Variants in SETDB2 observed in about 807,000 individuals in gnomAD.
SETDB2 encodes histone-lysine N-methyltransferase SETDB2.
Under a neutral mutation model 82.5 loss-of-function variants are expected in SETDB2, and 56 were observed. The observed-to-expected ratio is 0.68, with a 90% CI of 0.55 to 0.85. SETDB2 has a LOEUF of 0.85. Among genes scored for constraint, SETDB2 ranks in the 40% least tolerant of loss-of-function variants. The pLI, the probability that SETDB2 is intolerant of heterozygous loss-of-function variation, is 0.00. For missense variants in SETDB2, 677 were observed against 816.4 expected (o/e 0.83, Z 2.08); for synonymous variants, 272 against 284.9 (o/e 0.95, Z 0.46).
intron 2 of SETDB2, among the ~76,000 whole-genome samples, chr13:49,458,812 C>CA (rs1566157907): frequency 6.6e-6 from 1 of 152,214 alleles, no homozygotes; most frequent in East Asian, 1.9e-4. Flanking sequence ...TTGCCTGAGG[C>CA]AAAAAAGTGG....
intron 6 of SETDB2, among the ~76,000 whole-genome samples, chr13:49,477,714 T>C (rs749593669): frequency 6.6e-6 from 1 of 152,204 alleles, no homozygotes; most frequent in Non-Finnish European, 1.5e-5. Context: ...ATCTCAGTGT[T>C]ATACATGAGG....
rs1958642137 is a variant in SETDB2 at position 49,488,663 on chromosome 13, A to G, written c.1917+33A>G. The G allele has an allele frequency of 2.0e-6, 3 of 1,504,306 alleles. No individual in the cohort carries two copies. In the East Asian group the frequency reaches 6.8e-5, roughly 34 times the overall value. 93.2% of individuals were successfully genotyped at this position (1,504,306 alleles called of 1,614,324 possible). On this transcript the variant is annotated intron_variant, in intron 12 of 13. Transcript: ENST00000611815. ...TAAGGGCTGAGATTCCTATTTCTGA[A>G]CAACTGTTTTTTTCTATGCTACTTA... is the stretch of plus-strand genomic sequence containing the variant.
At position 49,480,107 on chromosome 13, in the gene SETDB2, A is replaced by G. The variant is rs943487669; in HGVS notation, c.870-112A>G. ...GCTGATAGTGTTCATGAGCCAAACT[A>G]TTCTAAATGCTATTACATCTTTTAT... On this transcript the variant is annotated intron_variant, in intron 6 of 13. Transcript: ENST00000611815. 58 of 708,650 alleles carry G rather than the reference A, an allele frequency of 8.2e-5. 1 individual carries two copies. In the East Asian group the frequency reaches 1.5e-3, roughly 18 times the overall value. The allele number at this position is 708,650 out of a possible 1,614,324, so 43.9% of individuals were successfully genotyped here. A position where few individuals can be genotyped will look rare whatever the true frequency, so the allele number is the denominator to read the frequency against.
At chr13:49,460,287 A>G in intron 3 of SETDB2, 55 bp downstream of exon 3, 1 of 1,534,124 alleles carries the variant, frequency 6.5e-7, no homozygotes. Context: ...TCTCTCTGAC[A>G]GTACAGTATC....
intron 4 of SETDB2, chr13:49,464,147 A>G: frequency 1.4e-6 from 1 of 733,278 alleles, no homozygotes; most frequent in Non-Finnish European, 2.5e-6. Context: ...TCAAAGATAA[A>G]TGGGTCCTAT....
chr13:49,468,873 A>T (rs756377181), intron 5 of SETDB2, among the ~76,000 whole-genome samples: 1 of 150,754 alleles, frequency 6.6e-6, no homozygotes, highest in African/African-American at 2.4e-5. Flanking sequence ...CTCACAAAAC[A>T]TTTTTTTTTC....
At chr13:49,481,397 A>G (rs1378007836) in intron 8 of SETDB2, among the ~76,000 whole-genome samples, 1 of 152,204 alleles carries the variant, frequency 6.6e-6, no homozygotes, top group South Asian at 2.1e-4. Flanking sequence ...CTGCATGGCT[A>G]CAGGTACTTT....
rs571970304 is a variant in SETDB2, at chr13:49,459,706, G to T, written c.17-401G>T. ...ACTTTTTTAAAAAGCAGTATTGTTG[G>T]ACATTTAGTTATTTCAGCAGCCATT... On this transcript the variant is annotated intron_variant, in intron 2 of 13. Transcript: ENST00000611815. Among the ~76,000 whole-genome samples, 5 of 152,098 alleles carry T rather than the reference G, an allele frequency of 3.3e-5. No homozygotes were observed. In the South Asian group the frequency reaches 1.0e-3, roughly 32 times the overall value.
intron 5 of SETDB2, among the ~76,000 whole-genome samples, chr13:49,472,577 A>AT (rs1009196025): frequency 2.4e-4 from 35 of 148,038 alleles, no homozygotes; most frequent in African/African-American, 4.5e-4. Flanking sequence ...TTTTATTTCT[A>AT]TTTTTTTTTT....
chr13:49,450,830 C>T (rs1410552175), intron 1 of SETDB2, among the ~76,000 whole-genome samples: 1 of 151,618 alleles, frequency 6.6e-6, no homozygotes, highest in Non-Finnish European at 1.5e-5. Flanking sequence ...GATATGTTAT[C>T]CTAGGGAAAT....
At chr13:49,472,051 A>C (rs1320872619) in intron 5 of SETDB2, among the ~76,000 whole-genome samples, 1 of 151,190 alleles carries the variant, frequency 6.6e-6, no homozygotes, top group Admixed American at 6.6e-5. Context: ...GATTACAGGC[A>C]TGAGCCACCG....
intron 4 of SETDB2, among the ~76,000 whole-genome samples, chr13:49,466,398 C>A (rs1400597548): frequency 1.3e-5 from 2 of 150,044 alleles, no homozygotes; most frequent in East Asian, 3.9e-4. Flanking sequence ...ATCACATCAA[C>A]GTACTCCAGC....
intron 5 of SETDB2, among the ~76,000 whole-genome samples, chr13:49,472,131 A>C (rs1444215511): frequency 6.6e-6 from 1 of 151,876 alleles, no homozygotes; most frequent in Non-Finnish European, 1.5e-5. Context: ...CCCAGTATGT[A>C]TACAAGACCC....
chr13:49,469,070 A>G (rs1958177047), intron 5 of SETDB2, among the ~76,000 whole-genome samples: 1 of 152,136 alleles, frequency 6.6e-6, no homozygotes, highest in African/African-American at 2.4e-5. Flanking sequence ...ATTCCTGTGA[A>G]GTATCATTTT....
chr13:49,470,966 C>CTTTCTTTCTTTTTTTTTTTTT (rs10695231), intron 5 of SETDB2, among the ~76,000 whole-genome samples: 4 of 80,486 alleles, frequency 5.0e-5, no homozygotes, highest in Non-Finnish European at 6.4e-5. Flanking sequence ...TTCTTTCTTT[C>CTTTCTTTCTTTTTTTTTTTTT]TTTTTTTTTT....
chr13:49,461,826 T>TG (rs897743421), intron 4 of SETDB2, among the ~76,000 whole-genome samples: 1 of 152,206 alleles, frequency 6.6e-6, no homozygotes, highest in African/African-American at 2.4e-5. Flanking sequence ...TCACAATGCC[T>TG]GGGCCTCCTG....
rs1236498026 is a variant in SETDB2 at position 49,494,136 on chromosome 13, A to C, written c.*2287A>C. On this transcript the variant is annotated 3_prime_UTR_variant, in exon 14 of 14. Coordinates refer to ENST00000611815, the MANE Select transcript of SETDB2 (RefSeq NM_001160308.3). ...GGAGCATTTCTCAATTTAATCTTCC[A>C]GTTCATCTGTTGCATTTTATTTTTC... 6.6e-6 allele frequency: 1 copy of C among 151,974 alleles called. No homozygotes were observed. The highest frequency in any genetic ancestry group is 1.9e-4 in the East Asian group (1 of 5,188). The allele number at this position is 151,974 out of a possible 1,614,324, so 9.4% of individuals were successfully genotyped here.
chr13:49,481,594 T>C (rs989966288), intron 8 of SETDB2, among the ~76,000 whole-genome samples: 1 of 152,230 alleles, frequency 6.6e-6, no homozygotes, highest in Non-Finnish European at 1.5e-5. Flanking sequence ...TCACTCTATT[T>C]TGGGGACTGC....
chr13:49,483,012 A>C (rs377107089), intron 9 of SETDB2, 50 bp downstream of exon 9: 1 of 1,172,792 alleles, frequency 8.5e-7, no homozygotes, highest in Non-Finnish European at 1.2e-6. Flanking sequence ...TTATCAATCA[A>C]TTGGTTCTTT....
Sources: allele counts gnomAD v4.1 joint callset (sites outside exome capture counted in the v4.1 genomes callset), GRCh38; gene constraint gnomAD v4.1.1; transcripts MANE v1.5; gene names NCBI Gene and HGNC (gene_info 2026-07-23, HGNC 2026-07-21).